ABCG2: variants seen among roughly 807,000 people sequenced by gnomAD.
ABCG2 encodes ATP binding cassette subfamily G member 2 (JR blood group), also known as broad substrate specificity ATP-binding cassette transporter ABCG2.
In ABCG2, 80 loss-of-function variants were observed where a neutral mutation model predicts 73.5. That is an observed-to-expected ratio of 1.09 (90% CI 0.91 to 1.31). The LOEUF is 1.31. Among genes scored for constraint, ABCG2 ranks in the 50% most tolerant of loss-of-function variants. The pLI is 0.00. For synonymous variants in ABCG2, 269 were observed against 282.4 expected (o/e 0.95, Z 0.48); for missense variants, 796 against 786.2 (o/e 1.01, Z -0.15).
At chr4:88,154,419 C>A (rs1395971845) in intron 1 of ABCG2, among the ~76,000 whole-genome samples, 1 of 152,156 alleles carries the variant, frequency 6.6e-6, no homozygotes, top group African/African-American at 2.4e-5. Context: ...GATGTGTAGT[C>A]CCTTTGCAAG....
chr4:88,224,369 T>C (rs796383094), intron 1 of ABCG2, among the ~76,000 whole-genome samples: 10 of 152,294 alleles, frequency 6.6e-5, no homozygotes, highest in African/African-American at 2.4e-4. Context: ...GCTGGGGAAG[T>C]TGAGGCTGAA....
Position 88,134,771 on chromosome 4 carries a change from G to T in ABCG2, c.204-2136C>A, listed in dbSNP as rs144844130. 2.0e-3 allele frequency among the ~76,000 whole-genome samples: 305 copies of T among 152,264 alleles called. 1 individual carries two copies. The highest frequency in any genetic ancestry group is 7.1e-3 in the African/African-American group (293 of 41,552). On this transcript the variant is annotated intron_variant, in intron 2 of 15. Coordinates refer to ENST00000237612, the MANE Select transcript of ABCG2 (RefSeq NM_004827.3). ...TGGCATTACAGAAAACAACAACAAT[G>T]TCCAGTCATAAATGCCAAGAGTTTC...
chr4:88,119,342 C>T (rs941278592), intron 6 of ABCG2, among the ~76,000 whole-genome samples: 1 of 152,188 alleles, frequency 6.6e-6, no homozygotes, highest in Non-Finnish European at 1.5e-5. Context: ...CAAACTAATA[C>T]AGTAAATTGG....
At chr4:88,197,576 G>A (rs114086764) in intron 1 of ABCG2, among the ~76,000 whole-genome samples, 9,013 of 152,080 alleles carry the variant, frequency 0.059, 446 homozygotes, top group East Asian at 0.25. Context: ...GTGATCACGC[G>A]ACTGCACTCC....
At chr4:88,119,991 T>C (rs916422846) in intron 6 of ABCG2, among the ~76,000 whole-genome samples, 5 of 152,048 alleles carry the variant, frequency 3.3e-5, no homozygotes, top group Non-Finnish European at 7.4e-5. Flanking sequence ...ATGTCAGACG[T>C]CTTTACAGCA....
chr4:88,210,530 T>G lies in ABCG2; in HGVS notation c.-20+20464A>C, dbSNP rs115122996. ...GGATGTTGTTCTAAAACAAAAAGAA[T>G]GGTAGAAATAAGCCCCATATAGTTA... On this transcript the variant is annotated intron_variant, in intron 1 of 15. Coordinates refer to the ABCG2 transcript ENST00000515655. 5.5e-3 allele frequency among the ~76,000 whole-genome samples: 832 copies of G among 152,256 alleles called. 9 individuals are homozygous for G. Among genetic ancestry groups the G allele is most frequent in the African/African-American group, 0.016 (646 of 41,550 alleles).
intron 10 of ABCG2, among the ~76,000 whole-genome samples, chr4:88,104,220 C>A (rs1248538461): frequency 6.6e-6 from 1 of 152,160 alleles, no homozygotes; most frequent in African/African-American, 2.4e-5. Context: ...GATTAAAACC[C>A]AGTTTCTCAG....
At chr4:88,131,339 G>T in intron 4 of ABCG2, 126 bp from the exon 5 acceptor site, 4 of 1,003,660 alleles carry the variant, frequency 4.0e-6, no homozygotes, top group Non-Finnish European at 4.4e-6. Context: ...AGCTAATGAT[G>T]AACCTGCAGT....
chr4:88,129,265 G>C (rs982124248), intron 5 of ABCG2, among the ~76,000 whole-genome samples: 3 of 152,034 alleles, frequency 2.0e-5, no homozygotes, highest in Non-Finnish European at 4.4e-5. Flanking sequence ...CTATGTAAAT[G>C]ATATTAATTG....
chr4:88,118,133 C>T lies in ABCG2; in HGVS notation c.817G>A (p.Ala273Thr), dbSNP rs759212519. Reference protein sequence around the residue: ...RLMFHGPAQEALGYFESAGYH... With the variant: ...RLMFHGPAQETLGYFESAGYH... ...CCAGCTGATTCAAAGTATCCCAAGG[C>T]CTCCTGAGCAGGCCCGTGGAACATA... is the stretch of plus-strand genomic sequence containing the variant. Residue 273 changes from alanine (A) to threonine (T), a missense_variant, in exon 7 of 16, where the codon GCC (alanine) becomes ACC (threonine). Coordinates refer to ENST00000237612, the MANE Select transcript of ABCG2 (RefSeq NM_004827.3). The T allele has an allele frequency of 1.9e-6, 3 of 1,613,582 alleles. No homozygotes were observed. Among genetic ancestry groups the T allele is most frequent in the South Asian group, 2.2e-5 (2 of 90,906 alleles).
At chr4:88,138,345 G>A (rs1470624393) in intron 2 of ABCG2, among the ~76,000 whole-genome samples, 5 of 152,216 alleles carry the variant, frequency 3.3e-5, no homozygotes, top group African/African-American at 1.2e-4. Context: ...ATAAGAGAAA[G>A]ATTTGTCCTA....
chr4:88,112,367 A>G (rs1723195185), intron 9 of ABCG2, among the ~76,000 whole-genome samples: 1 of 152,128 alleles, frequency 6.6e-6, no homozygotes, highest in Non-Finnish European at 1.5e-5. Flanking sequence ...AGGTGTATTC[A>G]GTGACAGTAG....
At chr4:88,158,662 G>C (rs1015100410), upstream of ABCG2, 2 of 456,154 alleles carry the variant, frequency 4.4e-6, no homozygotes, top group Middle Eastern at 6.5e-4. Context: ...CTGCGCGCCC[G>C]GAACCTTTTG....
intron 10 of ABCG2, among the ~76,000 whole-genome samples, chr4:88,105,306 C>A (rs1722699245): frequency 6.6e-6 from 1 of 152,164 alleles, no homozygotes; most frequent in African/African-American, 2.4e-5. Context: ...CTTCAACTTT[C>A]CTCAATAGTA....
Position 88,116,848 on chromosome 4 carries a change from C to G in ABCG2, c.841+1261G>C, listed in dbSNP as rs552665400. ...GATTACAGGCGTGAGCCACCGCGCC[C>G]GGCCAAAAAATCACACATTTCTATC... On this transcript the variant is annotated intron_variant, in intron 7 of 15. Coordinates refer to ENST00000237612, the MANE Select transcript of ABCG2 (RefSeq NM_004827.3). Among the ~76,000 whole-genome samples, 3 of 424 alleles carry G rather than the reference C, an allele frequency of 7.1e-3. 1 individual carries two copies. The highest frequency in any genetic ancestry group is 7.1e-3 in the African/African-American group (3 of 424). 0.3% of individuals were successfully genotyped at this position (424 alleles called of 152,430 possible).
At chr4:88,160,504 C>G (rs992002849), upstream of ABCG2, among the ~76,000 whole-genome samples, 21 of 152,012 alleles carry the variant, frequency 1.4e-4, no homozygotes, top group Admixed American at 1.4e-3. Flanking sequence ...AAAATGGATA[C>G]TTAGTTGAAT....
chr4:88,102,672 T>C (rs1465755604), intron 10 of ABCG2, among the ~76,000 whole-genome samples: 1 of 152,004 alleles, frequency 6.6e-6, no homozygotes, highest in African/African-American at 2.4e-5. Flanking sequence ...CAAATATGCA[T>C]TTTATGAAAG....
At chr4:88,100,960 T>C (rs569567456) in intron 11 of ABCG2, among the ~76,000 whole-genome samples, 2 of 152,358 alleles carry the variant, frequency 1.3e-5, no homozygotes, top group South Asian at 4.1e-4. Context: ...CTCTTTTCTC[T>C]GGATATCAGG....
rs1292501995 is a variant in ABCG2 at position 88,091,348 on chromosome 4, A to C, written c.*886T>G. 1 of 152,262 alleles carries C rather than the reference A, an allele frequency of 6.6e-6. No individual in the cohort carries two copies. The highest frequency in any genetic ancestry group is 1.5e-5 in the Non-Finnish European group (1 of 68,046). 9.4% of individuals were successfully genotyped at this position (152,262 alleles called of 1,614,324 possible). A position where few individuals can be genotyped will look rare whatever the true frequency, so the allele number is the denominator to read the frequency against. On this transcript the variant is annotated 3_prime_UTR_variant, in exon 16 of 16. Coordinates refer to ENST00000237612, the MANE Select transcript of ABCG2 (RefSeq NM_004827.3). Reference sequence around the variant, plus strand: ...TAGGAAAGAAAACCTATGTAGGGACAGATGTTAATAGTTATTAAATCCTAA... The same window carrying C: ...TAGGAAAGAAAACCTATGTAGGGACCGATGTTAATAGTTATTAAATCCTAA...
Sources: gnomAD v4.1 joint callset for allele counts (sites outside exome capture counted in the v4.1 genomes callset) on GRCh38, gnomAD v4.1.1 for gene constraint, MANE v1.5 for transcripts, NCBI Gene and HGNC (gene_info 2026-07-23, HGNC 2026-07-21) for gene names.